Variants in ZFHX3 observed in about 807,000 individuals in gnomAD.
ZFHX3 encodes zinc finger homeobox protein 3.
ZFHX3 carries 42 observed loss-of-function variants against 279.1 expected under a neutral mutation model. The observed-to-expected ratio is 0.15, with a 90% CI of 0.12 to 0.19. The LOEUF is 0.19. Among genes scored for constraint, ZFHX3 ranks in the 10% least tolerant of loss-of-function variants. The pLI is 1.00. For synonymous variants in ZFHX3, 2,293 were observed against 1,957.8 expected (o/e 1.17, Z -4.52); for missense variants, 4,981 against 4,754.0 (o/e 1.05, Z -1.40).
At chr16:72,870,717 CAAAAAAAAAAA>C (rs71156125) in intron 4 of ZFHX3, among the ~76,000 whole-genome samples, 1 of 101,562 alleles carries the variant, frequency 9.8e-6, no homozygotes, top group Non-Finnish European at 2.0e-5. Context: ...GACTCTGTCT[CAAAAAAAAAAA>C]AAAAAAAAGA....
At chr16:73,161,471 G>A (rs1440503508) in intron 5 of ZFHX3, among the ~76,000 whole-genome samples, 2 of 152,166 alleles carry the variant, frequency 1.3e-5, no homozygotes, top group Non-Finnish European at 2.9e-5. Flanking sequence ...TGCTATTTGT[G>A]GAAGGGATTA....
chr16:73,426,365 G>T (rs1000350815), intron 3 of ZFHX3, among the ~76,000 whole-genome samples: 3 of 152,184 alleles, frequency 2.0e-5, no homozygotes, highest in African/African-American at 7.2e-5. Context: ...AGAGAAAAAA[G>T]TAAAGGTCAA....
At chr16:72,877,263 T>G (rs1013912104) in intron 4 of ZFHX3, among the ~76,000 whole-genome samples, 1 of 152,180 alleles carries the variant, frequency 6.6e-6, no homozygotes, top group Admixed American at 6.5e-5. Flanking sequence ...AAATCAGAAG[T>G]AGGTCATCAG....
chr16:73,788,123 G>A (rs61460117), intron 1 of ZFHX3, among the ~76,000 whole-genome samples: 37,988 of 152,000 alleles, frequency 0.25, 4,999 homozygotes, highest in South Asian at 0.39. Context: ...AAGAACAGTA[G>A]CTGTAGGAGA....
intron 4 of ZFHX3, among the ~76,000 whole-genome samples, chr16:73,289,495 T>A (rs1263294269): frequency 2.0e-5 from 3 of 152,000 alleles, no homozygotes; most frequent in African/African-American, 7.3e-5. Flanking sequence ...GCCCCAGATA[T>A]GTATCTCTAA....
chr16:72,819,579 G>T (rs1354263283), intron 5 of ZFHX3, among the ~76,000 whole-genome samples: 1 of 152,198 alleles, frequency 6.6e-6, no homozygotes, highest in Non-Finnish European at 1.5e-5. Flanking sequence ...GAGAACAGTG[G>T]TCAGAGCCAA....
At chr16:73,741,834 A>G (rs2053660663) in intron 1 of ZFHX3, among the ~76,000 whole-genome samples, 1 of 152,242 alleles carries the variant, frequency 6.6e-6, no homozygotes, top group Admixed American at 6.5e-5. Flanking sequence ...AAATGGATCC[A>G]GAAATGGTTG....
intron 2 of ZFHX3, among the ~76,000 whole-genome samples, chr16:73,635,899 T>C (rs1388042316): frequency 1.3e-5 from 2 of 152,252 alleles, no homozygotes; most frequent in East Asian, 1.9e-4. Flanking sequence ...TTTCTGGATA[T>C]GCATTTTCCT....
intron 1 of ZFHX3, among the ~76,000 whole-genome samples, chr16:73,843,743 C>T (rs1013623673): frequency 6.6e-6 from 1 of 152,138 alleles, no homozygotes; most frequent in Non-Finnish European, 1.5e-5. Flanking sequence ...AGTCAGCAAA[C>T]ATTTTCTGTA....
chr16:73,534,584 A>G (rs1342685048), intron 2 of ZFHX3, among the ~76,000 whole-genome samples: 1 of 152,186 alleles, frequency 6.6e-6, no homozygotes, highest in Non-Finnish European at 1.5e-5. Context: ...AGTAGCTGGC[A>G]GATATTAGGT....
intron 1 of ZFHX3, among the ~76,000 whole-genome samples, chr16:73,019,013 T>A (rs1427355387): frequency 6.6e-6 from 1 of 152,118 alleles, no homozygotes; most frequent in African/African-American, 2.4e-5. Flanking sequence ...CATTGTCACA[T>A]CCCTCGATGC....
chr16:73,085,985 C>CAAAAAAAAAAAAAAAAAAAAAAATAA (rs1966008112), intron 8 of ZFHX3, among the ~76,000 whole-genome samples: 3 of 54,226 alleles, frequency 5.5e-5, no homozygotes, highest in Non-Finnish European at 1.2e-4. Flanking sequence ...AACTCAATTG[C>CAAAAAAAAAAAAAAAAAAAAAAATAA]AAAAAAAAAA....
chr16:73,152,760 TAAA>T (rs1244368235), intron 5 of ZFHX3, among the ~76,000 whole-genome samples: 2 of 33,938 alleles, frequency 5.9e-5, no homozygotes, highest in Non-Finnish European at 1.2e-4. Context: ...ATGAGTTGCT[TAAA>T]AAAAAAAAAA....
intron 3 of ZFHX3, among the ~76,000 whole-genome samples, chr16:73,446,596 C>A (rs912722547): frequency 6.6e-6 from 1 of 152,090 alleles, no homozygotes; most frequent in Non-Finnish European, 1.5e-5. Context: ...CAGAGCCAGA[C>A]CATATCAGCC....
intron 5 of ZFHX3, among the ~76,000 whole-genome samples, chr16:73,189,323 T>C (rs1967979880): frequency 6.6e-6 from 1 of 152,240 alleles, no homozygotes; most frequent in Non-Finnish European, 1.5e-5. Context: ...AGCAGAATTC[T>C]AATCACGTGA....
At chr16:73,539,684 T>C (rs1317354268) in intron 2 of ZFHX3, among the ~76,000 whole-genome samples, 1 of 152,108 alleles carries the variant, frequency 6.6e-6, no homozygotes, top group African/African-American at 2.4e-5. Flanking sequence ...TATTTGATGC[T>C]GTTCAGTAAA....
intron 3 of ZFHX3, among the ~76,000 whole-genome samples, chr16:73,367,021 A>G (rs1289818325): frequency 6.6e-6 from 1 of 151,820 alleles, no homozygotes. Flanking sequence ...ACACACTCAT[A>G]CACACTCACA....
chr16:73,803,946 GC>G (rs1272398180), intron 1 of ZFHX3, among the ~76,000 whole-genome samples: 1 of 152,094 alleles, frequency 6.6e-6, no homozygotes, highest in Admixed American at 6.6e-5. Context: ...GATGGCTTGA[GC>G]CCAGGATGAG....
intron 1 of ZFHX3, among the ~76,000 whole-genome samples, chr16:73,748,942 C>T (rs926898767): frequency 6.6e-6 from 1 of 152,090 alleles, no homozygotes; most frequent in African/African-American, 2.4e-5. Context: ...CACCTGCCAC[C>T]ACACCTGACT....
Sources: gnomAD v4.1 joint callset for allele counts (sites outside exome capture counted in the v4.1 genomes callset) on GRCh38, gnomAD v4.1.1 for gene constraint, MANE v1.5 for transcripts, NCBI Gene and HGNC (gene_info 2026-07-23, HGNC 2026-07-21) for gene names.